CTNNA2: variants seen among roughly 807,000 people sequenced by gnomAD.
CTNNA2 encodes the protein catenin alpha-2.
A neutral mutation model predicts 101.0 loss-of-function variants in CTNNA2; 42 were observed. That is an observed-to-expected ratio of 0.42 (90% CI 0.32 to 0.54). CTNNA2 has a LOEUF of 0.54. Ranked by LOEUF, CTNNA2 falls within the 20% of genes least tolerant of loss-of-function variation. CTNNA2 has a pLI of 0.14. For synonymous variants in CTNNA2, 450 were observed against 456.4 expected, an observed-to-expected ratio of 0.99 and a Z score of 0.18; for missense variants, 871 against 1,223.1, an observed-to-expected ratio of 0.71 and a Z score of 4.29.
intron 3 of CTNNA2, among the ~76,000 whole-genome samples, chr2:79,326,730 G>C (rs1446578836): frequency 6.6e-6 from 1 of 152,140 alleles, no homozygotes; most frequent in Non-Finnish European, 1.5e-5. Flanking sequence ...CACTATAAGA[G>C]ATCTAGAAAA....
At chr2:80,191,443 T>C (rs1411665483) in intron 7 of CTNNA2, among the ~76,000 whole-genome samples, 1 of 152,206 alleles carries the variant, frequency 6.6e-6, no homozygotes, top group African/African-American at 2.4e-5. Flanking sequence ...ATGTAATCCC[T>C]GCAAATCCTG....
At chr2:79,565,454 C>G (rs1192142776) in intron 1 of CTNNA2, among the ~76,000 whole-genome samples, 6 of 152,034 alleles carry the variant, frequency 3.9e-5, no homozygotes, top group Non-Finnish European at 8.8e-5. Context: ...CCAGGGACCC[C>G]TTTATACTTG....
At chr2:79,522,434 A>C (rs1434796967) in intron 1 of CTNNA2, among the ~76,000 whole-genome samples, 1 of 152,202 alleles carries the variant, frequency 6.6e-6, no homozygotes, top group Non-Finnish European at 1.5e-5. Flanking sequence ...GGGCTATAAG[A>C]TGAATACCTG....
chr2:79,757,455 C>T (rs75907761), intron 3 of CTNNA2, among the ~76,000 whole-genome samples: 1 of 152,032 alleles, frequency 6.6e-6, no homozygotes, highest in Non-Finnish European at 1.5e-5. Context: ...CTTTTAATAC[C>T]CTTTTTTGAA....
chr2:80,642,022 C>T (rs1375919376), intron 18 of CTNNA2, among the ~76,000 whole-genome samples: 2 of 152,104 alleles, frequency 1.3e-5, no homozygotes, highest in South Asian at 2.1e-4. Flanking sequence ...ATAAATACAA[C>T]TGGACCTCTG....
chr2:80,109,031 C>T (rs1347921092), intron 7 of CTNNA2, among the ~76,000 whole-genome samples: 1 of 152,198 alleles, frequency 6.6e-6, no homozygotes, highest in African/African-American at 2.4e-5. Context: ...AAGCTGCCTC[C>T]ACCGACTGGG....
At chr2:80,548,346 C>T (rs1692274422) in intron 11 of CTNNA2, among the ~76,000 whole-genome samples, 1 of 152,140 alleles carries the variant, frequency 6.6e-6, no homozygotes, top group Non-Finnish European at 1.5e-5. Flanking sequence ...CATTTTAGAA[C>T]TTACAACTTT....
At chr2:80,038,443 G>A (rs140605186) in intron 7 of CTNNA2, among the ~76,000 whole-genome samples, 2,621 of 152,206 alleles carry the variant, frequency 0.017, 59 homozygotes, top group African/African-American at 0.054. Flanking sequence ...ATGTGAGGCC[G>A]GGCGCGGTGA....
intron 2 of CTNNA2, among the ~76,000 whole-genome samples, chr2:79,305,105 G>A (rs1676203096): frequency 6.6e-6 from 1 of 151,978 alleles, no homozygotes; most frequent in African/African-American, 2.4e-5. Context: ...AGGCAAAGCA[G>A]TGCATTTCAG....
chr2:79,259,640 G>A (rs1479595248), intron 2 of CTNNA2, among the ~76,000 whole-genome samples: 1 of 152,134 alleles, frequency 6.6e-6, no homozygotes, highest in Non-Finnish European at 1.5e-5. Flanking sequence ...CAGGGGTGAG[G>A]TGGAGGGCAC....
chr2:79,593,121 A>T (rs1170641386), intron 1 of CTNNA2, among the ~76,000 whole-genome samples: 1 of 152,192 alleles, frequency 6.6e-6, no homozygotes, highest in Non-Finnish European at 1.5e-5. Context: ...TCCTACTAGA[A>T]CATTCTAATT....
Position 79,240,072 on chromosome 2 carries a change from C to A in CTNNA2, c.-406+41996C>A, listed in dbSNP as rs983492130. 2.6e-5 allele frequency among the ~76,000 whole-genome samples: 4 copies of A among 151,698 alleles called. No homozygotes were observed. In the East Asian group the frequency reaches 7.8e-4, roughly 29 times the overall value. On this transcript the variant is annotated intron_variant, in intron 2 of 21. Coordinates refer to the CTNNA2 transcript ENST00000466387. ...TACAGGCATGTGCCACCATACTCAG[C>A]TAATTTTGTATTTTTAGTAGAGACG...
chr2:80,478,604 A>G (rs922910556), intron 9 of CTNNA2, among the ~76,000 whole-genome samples: 1 of 151,950 alleles, frequency 6.6e-6, no homozygotes, highest in African/African-American at 2.4e-5. Context: ...CTATCCAGTT[A>G]TTTTCCCAGC....
At chr2:79,683,853 A>G (rs1330624280) in intron 2 of CTNNA2, among the ~76,000 whole-genome samples, 2 of 152,238 alleles carry the variant, frequency 1.3e-5, no homozygotes, top group Non-Finnish European at 2.9e-5. Flanking sequence ...AGATTTTAAA[A>G]GCACTTGGAG....
At chr2:79,501,141 G>C (rs1671314665) in intron 4 of CTNNA2, among the ~76,000 whole-genome samples, 1 of 152,092 alleles carries the variant, frequency 6.6e-6, no homozygotes, top group Non-Finnish European at 1.5e-5. Context: ...TGATTCTTGG[G>C]TTAGGTAGCT....
At chr2:80,600,771 G>A (rs1697423940) in intron 15 of CTNNA2, among the ~76,000 whole-genome samples, 1 of 152,062 alleles carries the variant, frequency 6.6e-6, no homozygotes, top group Non-Finnish European at 1.5e-5. Context: ...CAGCCTCCGA[G>A]TAGCTGGGAC....
At chr2:80,342,962 A>G (rs1174889834) in intron 7 of CTNNA2, among the ~76,000 whole-genome samples, 1 of 152,150 alleles carries the variant, frequency 6.6e-6, no homozygotes, top group Non-Finnish European at 1.5e-5. Context: ...GTAGCCTCAA[A>G]TGTTGTTTGA....
At chr2:79,294,743 T>C (rs1442515915) in intron 2 of CTNNA2, among the ~76,000 whole-genome samples, 1 of 152,198 alleles carries the variant, frequency 6.6e-6, no homozygotes, top group African/African-American at 2.4e-5. Context: ...CTCAGCCATA[T>C]GTTCTGAATA....
intron 2 of CTNNA2, among the ~76,000 whole-genome samples, chr2:79,247,985 G>A (rs1274196556): frequency 6.6e-6 from 1 of 152,166 alleles, no homozygotes; most frequent in Non-Finnish European, 1.5e-5. Context: ...CCAGAACTAT[G>A]AAAAAATATA....
Sources: gnomAD v4.1 joint callset for allele counts (sites outside exome capture counted in the v4.1 genomes callset) on GRCh38, gnomAD v4.1.1 for gene constraint, MANE v1.5 for transcripts, NCBI Gene and HGNC (gene_info 2026-07-23, HGNC 2026-07-21) for gene names.